The following FAM227B variants were observed in gnomAD, a reference collection of about 807,000 sequenced individuals.
The protein encoded by FAM227B is family with sequence similarity 227 member B.
A neutral mutation model predicts 73.8 loss-of-function variants in FAM227B; 88 were observed. The ratio of observed to expected loss-of-function variants is 1.19; its 90% CI spans 1.00 to 1.42. The LOEUF is 1.42. Among genes scored for constraint, FAM227B ranks in the 40% most tolerant of loss-of-function variants. The pLI is 0.00. For synonymous variants in FAM227B, 210 were observed against 190.5 expected, an observed-to-expected ratio of 1.10 and a Z score of -0.84; for missense variants, 632 against 590.9, an observed-to-expected ratio of 1.07 and a Z score of -0.72.
chr15:49,441,075 A>T (rs1266248361), intron 11 of FAM227B, among the ~76,000 whole-genome samples: 4 of 151,762 alleles, frequency 2.6e-5, no homozygotes, highest in Non-Finnish European at 5.9e-5. Context: ...ACAACTTTAA[A>T]ATGAATGAGT....
chr15:49,442,785 C>T (rs967058087), intron 11 of FAM227B, among the ~76,000 whole-genome samples: 35 of 151,732 alleles, frequency 2.3e-4, no homozygotes, highest in African/African-American at 8.5e-4. Flanking sequence ...AAATACCCAA[C>T]CACTGGCTTT....
chr15:49,482,805 C>A (rs555638903), intron 11 of FAM227B, among the ~76,000 whole-genome samples: 64 of 152,000 alleles, frequency 4.2e-4, no homozygotes, highest in South Asian at 3.5e-3. Context: ...ATGCAATAAT[C>A]CTTGGCATGT....
chr15:49,380,143 T>C (rs2046427399), intron 11 of FAM227B, among the ~76,000 whole-genome samples: 1 of 151,916 alleles, frequency 6.6e-6, no homozygotes, highest in Admixed American at 6.5e-5. Flanking sequence ...CAGAGGCGCC[T>C]CACCCCATAG....
intron 11 of FAM227B, among the ~76,000 whole-genome samples, chr15:49,384,337 A>C (rs1159136206): frequency 6.6e-6 from 1 of 152,040 alleles, no homozygotes; most frequent in East Asian, 1.9e-4. Context: ...ATTATCACTC[A>C]TTCTATCCAT....
chr15:49,416,803 A>G (rs1356453063), intron 11 of FAM227B, among the ~76,000 whole-genome samples: 1 of 151,856 alleles, frequency 6.6e-6, no homozygotes, highest in Non-Finnish European at 1.5e-5. Context: ...ACACACAAAC[A>G]CACAAATACC....
chr15:49,422,812 A>G, intron 11 of FAM227B: 2 of 1,087,762 alleles, frequency 1.8e-6, no homozygotes, highest in Admixed American at 4.3e-5. Flanking sequence ...CAGTGCTTTA[A>G]GGCACTCATA....
chr15:49,405,786 G>A (rs2048469598), intron 11 of FAM227B, among the ~76,000 whole-genome samples: 1 of 152,160 alleles, frequency 6.6e-6, no homozygotes, highest in Non-Finnish European at 1.5e-5. Flanking sequence ...ACCCTTGCTG[G>A]AGAAGTGATG....
At chr15:49,392,428 T>G (rs1339077596) in intron 11 of FAM227B, among the ~76,000 whole-genome samples, 5 of 152,120 alleles carry the variant, frequency 3.3e-5, no homozygotes, top group African/African-American at 9.7e-5. Context: ...AAAGAGACTG[T>G]GCAATGAGGT....
rs1382595703 is a variant in FAM227B, at chr15:49,327,865, T to TA, written c.*702dup. 2.3e-6 allele frequency: 3 copies of TA among 1,280,220 alleles called. No homozygotes were observed. The highest frequency in any genetic ancestry group is 3.0e-5 in the African/African-American group (2 of 67,210). The allele number at this position is 1,280,220 out of a possible 1,614,324, so 79.3% of individuals were successfully genotyped here. ...CCGCATGTATTTTCTTCTTAGAACTTAGATAGGCTATGTGTTCTACAAACA... is the reference window on the plus strand; with the variant it reads ...CCGCATGTATTTTCTTCTTAGAACTTAAGATAGGCTATGTGTTCTACAAACA... On this transcript the variant is annotated 3_prime_UTR_variant, in exon 16 of 16. Transcript: ENST00000299338.
intron 11 of FAM227B, among the ~76,000 whole-genome samples, chr15:49,469,481 T>C (rs2054546796): frequency 6.6e-6 from 1 of 152,148 alleles, no homozygotes; most frequent in Admixed American, 6.5e-5. Context: ...CACTTGGCTT[T>C]TCATGGCACA....
chr15:49,397,714 T>C (rs2047796478), intron 11 of FAM227B, among the ~76,000 whole-genome samples: 1 of 152,044 alleles, frequency 6.6e-6, no homozygotes, highest in African/African-American at 2.4e-5. Flanking sequence ...AAGAAAAGAA[T>C]TTTCAACCCA....
At chr15:49,580,821 T>C (rs1567626161) in intron 5 of FAM227B, among the ~76,000 whole-genome samples, 1 of 152,152 alleles carries the variant, frequency 6.6e-6, no homozygotes. Flanking sequence ...AAAAACACGC[T>C]AAAAGTATTT....
At chr15:49,585,526 G>T (rs1477669928) in intron 5 of FAM227B, among the ~76,000 whole-genome samples, 1 of 152,192 alleles carries the variant, frequency 6.6e-6, no homozygotes, top group East Asian at 1.9e-4. Flanking sequence ...AAAATGATGA[G>T]TTCATGTCCT....
intron 5 of FAM227B, among the ~76,000 whole-genome samples, chr15:49,583,626 C>G (rs1323015527): frequency 1.4e-5 from 2 of 146,390 alleles, no homozygotes; most frequent in Non-Finnish European, 3.0e-5. Context: ...CATTCCTTTA[C>G]TTTCTTAATA....
chr15:49,392,328 T>C (rs1164583537), intron 11 of FAM227B, among the ~76,000 whole-genome samples: 1 of 152,136 alleles, frequency 6.6e-6, no homozygotes, highest in African/African-American at 2.4e-5. Flanking sequence ...TAAGAATCAA[T>C]TTTATTTTTT....
chr15:49,380,364 G>A (rs927138719), intron 11 of FAM227B, among the ~76,000 whole-genome samples: 1 of 152,144 alleles, frequency 6.6e-6, no homozygotes, highest in South Asian at 2.1e-4. Context: ...CCCACGTGGT[G>A]CTCTGCCCTG....
intron 11 of FAM227B, among the ~76,000 whole-genome samples, chr15:49,494,760 C>T (rs1231060765): frequency 2.0e-5 from 3 of 152,056 alleles, no homozygotes; most frequent in Admixed American, 1.3e-4. Flanking sequence ...CTTATGTATC[C>T]GAAGCTCCTT....
intron 11 of FAM227B, chr15:49,485,983 C>T (rs1174237360): frequency 6.6e-6 from 1 of 151,932 alleles, no homozygotes; most frequent in Non-Finnish European, 1.5e-5. Flanking sequence ...GTCATGAAGG[C>T]TTGAGGTCAG....
chr15:49,600,354 T>A (rs561876688), intron 3 of FAM227B, among the ~76,000 whole-genome samples: 1 of 151,360 alleles, frequency 6.6e-6, no homozygotes, highest in Admixed American at 6.6e-5. Flanking sequence ...TTCTTTCTTT[T>A]TTTTTTTTTT....
Sources: gnomAD v4.1 joint callset for allele counts (sites outside exome capture counted in the v4.1 genomes callset) on GRCh38, gnomAD v4.1.1 for gene constraint, MANE v1.5 for transcripts, NCBI Gene and HGNC (gene_info 2026-07-23, HGNC 2026-07-21) for gene names.